Variants in KIF3B observed in about 807,000 individuals in gnomAD.
The protein encoded by KIF3B is kinesin-like protein KIF3B.
In KIF3B, 38 loss-of-function variants were observed where a neutral mutation model predicts 74.3. That is an observed-to-expected ratio of 0.51 (90% CI 0.39 to 0.67). The LOEUF is 0.67. Ranked by LOEUF, KIF3B falls within the 30% of genes least tolerant of loss-of-function variation. The pLI, the probability that KIF3B is intolerant of heterozygous loss-of-function variation, is 0.00. For missense variants in KIF3B, 649 were observed against 932.0 expected, an observed-to-expected ratio of 0.70 and a Z score of 3.95; for synonymous variants, 326 against 342.5, an observed-to-expected ratio of 0.95 and a Z score of 0.53.
chr20:32,299,998 A>T (rs933217172), intron 1 of KIF3B, among the ~76,000 whole-genome samples: 2 of 151,176 alleles, frequency 1.3e-5, no homozygotes, highest in African/African-American at 4.9e-5. Context: ...CTGGTCTCCA[A>T]CTCCTGGACT....
chr20:32,280,498 A>G (rs1475822858), intron 1 of KIF3B, among the ~76,000 whole-genome samples: 2 of 151,840 alleles, frequency 1.3e-5, no homozygotes, highest in Non-Finnish European at 2.9e-5. Context: ...GTGGATCACG[A>G]GGTCAGGAGA....
intron 1 of KIF3B, 97 bp from the exon 2 acceptor site, chr20:32,309,616 G>A (rs1022922597): frequency 1.4e-6 from 1 of 712,648 alleles, no homozygotes; most frequent in East Asian, 2.7e-5. Flanking sequence ...ATGGCTGTCA[G>A]GTTAGCAAGA....
At position 32,331,282 on chromosome 20, in the gene KIF3B, A is replaced by G. The variant is rs1367877286; in HGVS notation, c.2207A>G (p.Gln736Arg). 5 of 1,613,146 alleles carry G rather than the reference A, an allele frequency of 3.1e-6. No homozygotes were observed. The highest frequency in any genetic ancestry group is 3.4e-6 in the Non-Finnish European group (4 of 1,179,748). ...SSSSSGTPAS[Q>R]LYPQSRGLVP... ...TCTTCCTCAGGAACCCCTGCATCTC[A>G]GCTTTATCCACAGTCTCGGGGGCTG... The change falls in exon 9 of 9, where the codon CAG becomes CGG. Residue 736 changes from glutamine to arginine, a missense_variant. This residue lies in a region of KIF3B where 186 missense variants were observed against 198.5 expected (regional missense o/e 0.94). Transcript: ENST00000375712.
At chr20:32,278,921 C>CTTTTTTT (rs57355936) in intron 1 of KIF3B, among the ~76,000 whole-genome samples, 5 of 118,410 alleles carry the variant, frequency 4.2e-5, no homozygotes, top group East Asian at 5.5e-4. Flanking sequence ...CTTAAGAATC[C>CTTTTTTT]TTTTTTTTTT....
At position 32,310,443 on chromosome 20, in the gene KIF3B, T is replaced by C. The variant is rs1296891808; in HGVS notation, c.666T>C (p.Thr222=). ...SSRSHAIFVI[T]IECSEVGLDG... ...GTTCTCATGCAATTTTCGTTATCACTATTGAGTGCAGCGAGGTGGGCCTCG... is the reference window on the plus strand; with the variant it reads ...GTTCTCATGCAATTTTCGTTATCACCATTGAGTGCAGCGAGGTGGGCCTCG... The change falls in exon 2 of 9, where the codon ACT becomes ACC. Residue 222 remains threonine (T), a synonymous_variant. Coordinates refer to ENST00000375712, the MANE Select transcript of KIF3B (RefSeq NM_004798.4). This position sits in a 1 kb window ranked among gnomAD's most constrained non-coding sequence, Gnocchi z 6.5. 1 of 1,614,146 alleles carries C rather than the reference T, an allele frequency of 6.2e-7. No individual in the cohort carries two copies. The highest frequency in any genetic ancestry group is 1.1e-5 in the South Asian group (1 of 91,092).
At chr20:32,303,415 A>G (rs2047753683) in intron 1 of KIF3B, among the ~76,000 whole-genome samples, 1 of 151,740 alleles carries the variant, frequency 6.6e-6, no homozygotes, top group African/African-American at 2.4e-5. Context: ...AAATGCAAAA[A>G]TTAGCTGGAC....
chr20:32,321,898 A>G (rs2047861557), intron 5 of KIF3B, among the ~76,000 whole-genome samples: 1 of 152,200 alleles, frequency 6.6e-6, no homozygotes, highest in South Asian at 2.1e-4. Flanking sequence ...GTGTAAGCAT[A>G]ACTTTTATAT....
intron 1 of KIF3B, among the ~76,000 whole-genome samples, chr20:32,300,593 T>C (rs1264757182): frequency 6.6e-6 from 1 of 152,094 alleles, no homozygotes; most frequent in Non-Finnish European, 1.5e-5. Flanking sequence ...TTAAAAATTT[T>C]TTTGTAGAGA....
chr20:32,324,113 G>GA (rs35786299), intron 5 of KIF3B, among the ~76,000 whole-genome samples: 50,020 of 143,238 alleles, frequency 0.35, 9,474 homozygotes, highest in East Asian at 0.74. Context: ...CAACTCAAAA[G>GA]AAAAAAAAAA....
At chr20:32,279,932 C>G (rs1017735143) in intron 1 of KIF3B, among the ~76,000 whole-genome samples, 2 of 152,208 alleles carry the variant, frequency 1.3e-5, no homozygotes, top group Non-Finnish European at 2.9e-5. Context: ...CTGCCACTTC[C>G]AAGCTGTGTG....
chr20:32,315,526 A>G (rs1193328893), intron 2 of KIF3B, among the ~76,000 whole-genome samples: 1 of 152,096 alleles, frequency 6.6e-6, no homozygotes, highest in East Asian at 1.9e-4. Flanking sequence ...ACAACATAGC[A>G]AGATTTCACC....
intron 1 of KIF3B, among the ~76,000 whole-genome samples, chr20:32,308,876 C>T (rs1013989259): frequency 6.6e-6 from 1 of 151,794 alleles, no homozygotes; most frequent in South Asian, 2.1e-4. Context: ...CCACCACACC[C>T]GGCTGATTTT....
At position 32,310,350 on chromosome 20, in the gene KIF3B, G is replaced by T. The variant is rs1361651671; in HGVS notation, c.573G>T (p.Glu191Asp). The T allele has an allele frequency of 4.3e-6, 7 of 1,614,094 alleles. No individual in the cohort carries two copies. Among genetic ancestry groups the T allele is most frequent in the Non-Finnish European group, 5.9e-6 (7 of 1,180,046 alleles). Reference sequence around the variant, plus strand: ...TCACCAAGAGTGTGAAGGAGATAGAGCATGTGATGAATGTGGGGAACCAGA... The same window carrying T: ...TCACCAAGAGTGTGAAGGAGATAGATCATGTGATGAATGTGGGGAACCAGA... ...SFVTKSVKEI[E>D]HVMNVGNQNR... is the part of the protein sequence containing the mutation. The change falls in exon 2 of 9, where the codon GAG (glutamate) becomes GAT (aspartate). Residue 191 changes from glutamate to aspartate, a missense_variant. This residue lies in a region of KIF3B where 363 missense variants were observed against 592.8 expected (regional missense o/e 0.61). Coordinates refer to ENST00000375712, the MANE Select transcript of KIF3B (RefSeq NM_004798.4). The surrounding 1 kb of genome is among the most constrained non-coding windows in gnomAD (Gnocchi z 6.5).
chr20:32,296,141 G>T (rs912514237), intron 1 of KIF3B, among the ~76,000 whole-genome samples: 1 of 151,716 alleles, frequency 6.6e-6, no homozygotes. Flanking sequence ...GAGATTACAG[G>T]TGTGAGCCAC....
intron 1 of KIF3B, among the ~76,000 whole-genome samples, chr20:32,296,159 G>C (rs536534241): frequency 6.6e-6 from 1 of 151,908 alleles, no homozygotes; most frequent in South Asian, 2.1e-4. Flanking sequence ...CACCACACCC[G>C]GCCCATTTTT....
In KIF3B at chr20:32,310,612, A is replaced by T. The variant is rs1477623215; in HGVS notation, c.835A>T (p.Ile279Phe). The change falls in exon 2 of 9, where the codon ATC becomes TTC. Residue 279 changes from isoleucine (I) to phenylalanine (F), a missense_variant. By Grantham distance (21) the Ile-to-Phe change is conservative (BLOSUM62 0). Around this residue, in one of 4 missense-constraint regions of KIF3B, gnomAD observed 363 missense variants for 592.8 expected, o/e 0.61. Coordinates refer to ENST00000375712, the MANE Select transcript of KIF3B (RefSeq NM_004798.4). The surrounding 1 kb of genome is among the most constrained non-coding windows in gnomAD (Gnocchi z 6.5). Reference sequence around the variant, plus strand: ...CTCCCTTTCCGCTTTGGGTAATGTCATCTCTGCTCTAGTGGACGGCAAAAG... The same window carrying T: ...CTCCCTTTCCGCTTTGGGTAATGTCTTCTCTGCTCTAGTGGACGGCAAAAG... Reference protein sequence around the residue: ...NLSLSALGNVISALVDGKSTH... With the variant: ...NLSLSALGNVFSALVDGKSTH... The T allele has an allele frequency of 1.9e-6, 3 of 1,614,114 alleles. No homozygotes were observed. Among genetic ancestry groups the T allele is most frequent in the Non-Finnish European group, 2.5e-6 (3 of 1,180,026 alleles).
chr20:32,290,127 G>T (rs1157452552), intron 1 of KIF3B, among the ~76,000 whole-genome samples: 1 of 151,938 alleles, frequency 6.6e-6, no homozygotes, highest in African/African-American at 2.4e-5. Context: ...GGGCACAGTG[G>T]CTCCCAGCAC....
chr20:32,310,349 A>G lies in KIF3B; in HGVS notation c.572A>G (p.Glu191Gly). The change falls in exon 2 of 9, where the codon GAG (glutamate) becomes GGG (glycine). Residue 191 changes from glutamate to glycine, a missense_variant. This residue lies in a region of KIF3B where 363 missense variants were observed against 592.8 expected (regional missense o/e 0.61). Transcript: ENST00000375712. The surrounding 1 kb of genome is among the most constrained non-coding windows in gnomAD (Gnocchi z 6.5). ...SFVTKSVKEI[E>G]HVMNVGNQNR... ...GTCACCAAGAGTGTGAAGGAGATAGAGCATGTGATGAATGTGGGGAACCAG... is the reference window on the plus strand; with the variant it reads ...GTCACCAAGAGTGTGAAGGAGATAGGGCATGTGATGAATGTGGGGAACCAG... 1 of 1,614,176 alleles carries G rather than the reference A, an allele frequency of 6.2e-7. No homozygotes were observed. The highest frequency in any genetic ancestry group is 8.5e-7 in the Non-Finnish European group (1 of 1,180,024).
chr20:32,322,852 AT>A (rs1217021908), intron 5 of KIF3B, among the ~76,000 whole-genome samples: 1 of 80,566 alleles, frequency 1.2e-5, no homozygotes. Flanking sequence ...ATTTATATAT[AT>A]TTATATATAC....
Sources: allele counts gnomAD v4.1 joint callset (sites outside exome capture counted in the v4.1 genomes callset), GRCh38; gene constraint gnomAD v4.1.1; regional missense constraint gnomAD v4.1.1; non-coding constraint Gnocchi (gnomAD v3.1); transcripts MANE v1.5; gene names NCBI Gene and HGNC (gene_info 2026-07-23, HGNC 2026-07-21).